Variants in NLRP3 observed in about 807,000 individuals in gnomAD.
NLRP3 encodes NLR family pyrin domain containing 3.
NLRP3 carries 48 observed loss-of-function variants against 91.3 expected under a neutral mutation model. The ratio of observed to expected loss-of-function variants is 0.53; its 90% CI spans 0.42 to 0.67. The LOEUF (loss-of-function observed/expected upper bound fraction) is 0.67. NLRP3 is among the 30% of genes least tolerant of loss of function. The probability of loss-of-function intolerance (pLI) is 0.00; values close to 1 mark genes in which losing one functional copy is unlikely to be tolerated. For synonymous variants in NLRP3, 561 were observed against 507.9 expected (o/e 1.10, Z -1.41); for missense variants, 982 against 1,276.9 (o/e 0.77, Z 3.52).
chr1:247,436,005 A>C lies in NLRP3; in HGVS notation c.2528A>C (p.Gln843Pro). The change falls in exon 7 of 10, where the codon CAG (glutamine) becomes CCG (proline). Residue 843 changes from glutamine (Q) to proline (P), a missense_variant. Physicochemically the swap from Gln to Pro is moderately conservative, Grantham distance 76. Coordinates refer to ENST00000336119, the MANE Select transcript of NLRP3 (RefSeq NM_001243133.2). ...VSCCLTSACCQDLASVLSTSH... is the reference protein window; with the variant it reads ...VSCCLTSACCPDLASVLSTSH... ...TGCTGCCTCACATCAGCATGTTGTC[A>C]GGATCTTGCATCAGTATTGAGCACC... The C allele has an allele frequency of 6.2e-7, 1 of 1,614,146 alleles. No individual in the cohort carries two copies. The highest frequency in any genetic ancestry group is 1.3e-5 in the African/African-American group (1 of 75,024).
chr1:247,429,691 G>A lies in NLRP3; in HGVS notation c.2257G>A (p.Asp753Asn). 2 of 1,614,114 alleles carry A rather than the reference G, an allele frequency of 1.2e-6. No individual in the cohort carries two copies. The highest frequency in any genetic ancestry group is 1.1e-5 in the South Asian group (1 of 91,080). The part of the protein sequence containing the change: ...ELDLSDNSLG[D>N]PGMRVLCETL... ...GGACCTCAGTGACAATTCTCTGGGG[G>A]ACCCAGGGATGAGAGTGTTGTGTGA... The change falls in exon 5 of 10, where the codon GAC becomes AAC. Residue 753 changes from aspartate to asparagine, a missense_variant. Transcript: ENST00000336119.
At chr1:247,431,559 A>G (rs1409296537) in intron 5 of NLRP3, among the ~76,000 whole-genome samples, 1 of 152,090 alleles carries the variant, frequency 6.6e-6, no homozygotes, top group Non-Finnish European at 1.5e-5. Context: ...CTCCCCGGGG[A>G]TGGGGTTTGC....
intron 8 of NLRP3, 75 bp from the exon 9 acceptor site, chr1:247,444,576 C>G (rs1242437783): frequency 3.0e-5 from 45 of 1,514,072 alleles, no homozygotes; most frequent in Non-Finnish European, 3.9e-5. Context: ...ACAAGACAGG[C>G]TAAGATGCTA....
chr1:247,429,754 T>C lies in NLRP3; in HGVS notation c.2320T>C (p.Trp774Arg). The change falls in exon 5 of 10, where the codon TGG (tryptophan) becomes CGG (arginine). Residue 774 changes from tryptophan to arginine, a missense_variant and splice_region_variant. Physicochemically the swap from Trp to Arg is moderately radical, Grantham distance 101. Transcript: ENST00000336119. ...TCCTGGCTGTAACATTCGGAGATTG[T>C]GGTGAGTCCCCGTGCATGTGATCTG... ...QHPGCNIRRL[W>R]LGRCGLSHEC... is the part of the protein sequence containing the mutation. The C allele has an allele frequency of 6.2e-7, 1 of 1,613,670 alleles. No individual in the cohort carries two copies.
chr1:247,435,369 GTGCTATATA>G lies in NLRP3; in HGVS notation c.2493-598_2493-590del, dbSNP rs368099633. On this transcript the variant is annotated intron_variant, in intron 6 of 9. Transcript: ENST00000336119. ...TTCAACGGATGAAGGGTGTTGAAAAGTGCTATATATGTACATTCAGCTTTAAAAAGAATT... is the reference window on the plus strand; with the variant it reads ...TTCAACGGATGAAGGGTGTTGAAAAGTGTACATTCAGCTTTAAAAAGAATT... 6.6e-4 allele frequency among the ~76,000 whole-genome samples: 101 copies of G among 152,312 alleles called. 1 individual carries two copies. The highest frequency in any genetic ancestry group is 2.4e-3 in the African/African-American group (100 of 41,574).
At chr1:247,446,382 A>G (rs1664585973) in intron 9 of NLRP3, among the ~76,000 whole-genome samples, 2 of 152,158 alleles carry the variant, frequency 1.3e-5, no homozygotes, top group South Asian at 4.2e-4. Context: ...TCTTCTTATC[A>G]CTTTCATAAT....
rs192297357 is a variant in NLRP3, at chr1:247,423,356, G to T, written c.397+7G>T. ...ATTTGTAAAATGAAGAAAGGTAAGC[G>T]ACTGGGGTGGTGCTTCTAGTTGAGT... On this transcript the variant is annotated splice_region_variant and intron_variant, in intron 3 of 9. Transcript: ENST00000336119. 1.9e-6 allele frequency: 3 copies of T among 1,613,722 alleles called. No individual in the cohort carries two copies. The highest frequency in any genetic ancestry group is 2.2e-5 in the South Asian group (2 of 90,958).
chr1:247,417,194 T>A (rs932554163), intron 1 of NLRP3, among the ~76,000 whole-genome samples: 5 of 152,190 alleles, frequency 3.3e-5, no homozygotes, highest in African/African-American at 1.2e-4. Context: ...CTGAAACAAG[T>A]GATGGAAGAC....
chr1:247,431,463 C>T (rs1385499467), intron 5 of NLRP3, among the ~76,000 whole-genome samples: 2 of 152,178 alleles, frequency 1.3e-5, no homozygotes, highest in African/African-American at 4.8e-5. Flanking sequence ...AGCTGTTTTC[C>T]ACTTTTCCTC....
Position 247,439,573 on chromosome 1 carries a change from T to C in NLRP3, c.2663+3433T>C, listed in dbSNP as rs117898226. Among the ~76,000 whole-genome samples the C allele has an allele frequency of 2.6e-3, 392 of 152,338 alleles. 11 individuals carry two copies. In the East Asian group the frequency reaches 0.066, roughly 25 times the overall value. On this transcript the variant is annotated intron_variant, in intron 7 of 9. Transcript: ENST00000336119. ...AAGTCATGTTAGATTTGTAACGACC[T>C]GATCTTAACTAATTACATTTTCAGT...
intron 9 of NLRP3, among the ~76,000 whole-genome samples, chr1:247,446,145 TC>T (rs1664571025): frequency 6.6e-6 from 1 of 152,212 alleles, no homozygotes; most frequent in African/African-American, 2.4e-5. Context: ...TATAATCATG[TC>T]CAATGTGTCA....
chr1:247,425,386 A>G lies in NLRP3; in HGVS notation c.1937A>G (p.Asp646Gly), dbSNP rs1342790456. The change falls in exon 4 of 10, where the codon GAC becomes GGC. Residue 646 changes from aspartate (D) to glycine (G), a missense_variant. Physicochemically the swap from Asp to Gly is moderately conservative, Grantham distance 94 (BLOSUM62 -1). Around this residue, in one of 5 missense-constraint regions of NLRP3, gnomAD observed 373 missense variants for 431.5 expected, o/e 0.86. Transcript: ENST00000336119. The surrounding 1 kb of genome is among the most constrained non-coding windows in gnomAD (Gnocchi z 4.1). The stretch of plus-strand genomic sequence containing the variant: ...GAGGACTTCGTGCAAAGGGCCATGG[A>G]CTATTTCCCCAAGATTGAGATCAAT... ...QEEDFVQRAM[D>G]YFPKIEINLS... The G allele has an allele frequency of 7.4e-6, 12 of 1,614,186 alleles. No individual in the cohort carries two copies. Among genetic ancestry groups the G allele is most frequent in the Non-Finnish European group, 1.0e-5 (12 of 1,180,030 alleles).
chr1:247,438,825 G>T (rs529297219), intron 7 of NLRP3, among the ~76,000 whole-genome samples: 2 of 152,284 alleles, frequency 1.3e-5, no homozygotes, highest in South Asian at 4.1e-4. Context: ...CACATGCTTG[G>T]TGTAAACATA....
chr1:247,426,891 C>T (rs1430854741), intron 4 of NLRP3, among the ~76,000 whole-genome samples: 2 of 152,112 alleles, frequency 1.3e-5, no homozygotes, highest in Admixed American at 6.6e-5. Flanking sequence ...AGGCTGGGGG[C>T]TTACGGTGTT....
intron 4 of NLRP3, among the ~76,000 whole-genome samples, chr1:247,427,584 G>A (rs1230999405): frequency 2.6e-5 from 4 of 152,016 alleles, no homozygotes; most frequent in Non-Finnish European, 4.4e-5. Context: ...CCTCTAGATG[G>A]CACCTGCCTT....
At chr1:247,441,328 T>G (rs1397103308) in intron 7 of NLRP3, among the ~76,000 whole-genome samples, 1 of 151,384 alleles carries the variant, frequency 6.6e-6, no homozygotes, top group East Asian at 2.0e-4. Context: ...AGCCTTGAAC[T>G]CTCCTGGGCT....
chr1:247,444,219 C>T (rs1288471194), intron 8 of NLRP3, 77 bp downstream of exon 8: 4 of 1,414,698 alleles, frequency 2.8e-6, no homozygotes, highest in Non-Finnish European at 4.0e-6. Flanking sequence ...AGAGTGGCCA[C>T]AAGATAATCT....
chr1:247,422,901 G>A (rs1250300177), intron 2 of NLRP3, among the ~76,000 whole-genome samples: 2 of 152,234 alleles, frequency 1.3e-5, no homozygotes, highest in Non-Finnish European at 2.9e-5. Flanking sequence ...GCTGCCAGGG[G>A]CAGGCAAAAG....
At chr1:247,428,880 T>C (rs1346648768) in intron 4 of NLRP3, among the ~76,000 whole-genome samples, 1 of 147,278 alleles carries the variant, frequency 6.8e-6, no homozygotes, top group Non-Finnish European at 1.5e-5. Context: ...TGGCCTGGGC[T>C]TGCGATTTTC....
Sources: allele counts gnomAD v4.1 joint callset (sites outside exome capture counted in the v4.1 genomes callset), GRCh38; gene constraint gnomAD v4.1.1; regional missense constraint gnomAD v4.1.1; non-coding constraint Gnocchi (gnomAD v3.1); transcripts MANE v1.5; gene names NCBI Gene and HGNC (gene_info 2026-07-23, HGNC 2026-07-21).